The following PTPRT variants were observed in gnomAD, a reference collection of about 807,000 sequenced individuals.
The protein encoded by PTPRT is receptor-type tyrosine-protein phosphatase T.
In PTPRT, 56 loss-of-function variants were observed where a neutral mutation model predicts 176.8. The ratio of observed to expected loss-of-function variants is 0.32; its 90% CI spans 0.26 to 0.40. PTPRT has a LOEUF of 0.40. Among genes scored for constraint, PTPRT ranks in the 10% least tolerant of loss-of-function variants. The pLI is 1.00. For synonymous variants in PTPRT, 783 were observed against 739.0 expected, an observed-to-expected ratio of 1.06 and a Z score of -0.96; for missense variants, 1,540 against 1,908.2, an observed-to-expected ratio of 0.81 and a Z score of 3.60.
intron 2 of PTPRT, among the ~76,000 whole-genome samples, chr20:42,881,659 A>T (rs1008887256): frequency 1.5e-4 from 20 of 136,944 alleles, no homozygotes; most frequent in African/African-American, 4.9e-4. Context: ...TGGGAGGTGG[A>T]GGCTGCAGTG....
chr20:43,021,638 C>A (rs1171134786), intron 1 of PTPRT, among the ~76,000 whole-genome samples: 1 of 152,060 alleles, frequency 6.6e-6, no homozygotes, highest in Admixed American at 6.6e-5. Context: ...AGAGTCCTTT[C>A]CAACCTAGCC....
At chr20:42,152,122 A>G (rs1173588753) in intron 17 of PTPRT, among the ~76,000 whole-genome samples, 3 of 152,228 alleles carry the variant, frequency 2.0e-5, no homozygotes, top group Non-Finnish European at 4.4e-5. Flanking sequence ...TAGGGTTTCC[A>G]TATTTATTAT....
At chr20:42,431,711 C>T (rs570087131) in intron 9 of PTPRT, among the ~76,000 whole-genome samples, 1 of 152,256 alleles carries the variant, frequency 6.6e-6, no homozygotes. Flanking sequence ...AGCAGAGAGC[C>T]TATTGTACAT....
At chr20:42,587,842 G>T (rs1396258879) in intron 7 of PTPRT, among the ~76,000 whole-genome samples, 3 of 152,112 alleles carry the variant, frequency 2.0e-5, no homozygotes, top group East Asian at 1.9e-4. Flanking sequence ...CAGTCCCACA[G>T]ACCTGAGTTC....
In PTPRT at chr20:42,266,101, A is replaced by G. The variant is rs77290741; in HGVS notation, c.2176+16388T>C. On this transcript the variant is annotated intron_variant, in intron 13 of 30. Coordinates refer to ENST00000373187, the MANE Select transcript of PTPRT (RefSeq NM_007050.6). The stretch of plus-strand genomic sequence containing the variant: ...GAGAGTGCATCCATTTCTTCTGTTG[A>G]CCCTCACCATGATTAGGCCTGGCTG... Among the ~76,000 whole-genome samples the G allele has an allele frequency of 5.1e-3, 774 of 152,208 alleles. 6 individuals carry two copies. The highest frequency in any genetic ancestry group is 0.018 in the African/African-American group (748 of 41,508).
chr20:42,153,843 A>G (rs1207064436), intron 17 of PTPRT, among the ~76,000 whole-genome samples: 1 of 152,136 alleles, frequency 6.6e-6, no homozygotes, highest in African/African-American at 2.4e-5. Flanking sequence ...TAACCTTGGT[A>G]ACTCTTCCAA....
chr20:42,517,554 T>C (rs546849561), intron 7 of PTPRT, among the ~76,000 whole-genome samples: 3 of 152,204 alleles, frequency 2.0e-5, no homozygotes, highest in South Asian at 2.1e-4. Flanking sequence ...TCTTTGTTTA[T>C]TCTAACTTTG....
chr20:42,145,539 T>TAGAC (rs1491107500), intron 17 of PTPRT, among the ~76,000 whole-genome samples: 1 of 151,876 alleles, frequency 6.6e-6, no homozygotes, highest in Admixed American at 6.6e-5. Flanking sequence ...GATAGATAGA[T>TAGAC]AGATAGATGG....
intron 7 of PTPRT, among the ~76,000 whole-genome samples, chr20:42,602,522 A>G (rs2073799485): frequency 6.6e-6 from 1 of 152,136 alleles, no homozygotes; most frequent in Non-Finnish European, 1.5e-5. Context: ...TCTGTGAGGG[A>G]AATGCTGTCA....
rs2056072757 is a variant in PTPRT at position 42,228,733 on chromosome 20, G to A, written c.2342+7496C>T. ...CAACTCCACACATATAACCACTCATGTATCTTTGTTCATTCATCTAATCAA... is the reference window on the plus strand; with the variant it reads ...CAACTCCACACATATAACCACTCATATATCTTTGTTCATTCATCTAATCAA... On this transcript the variant is annotated intron_variant, in intron 15 of 30. Coordinates refer to ENST00000373187, the MANE Select transcript of PTPRT (RefSeq NM_007050.6). Among the ~76,000 whole-genome samples, 4 of 152,294 alleles carry A rather than the reference G, an allele frequency of 2.6e-5. No individual in the cohort carries two copies. In the South Asian group the frequency reaches 6.2e-4, roughly 24 times the overall value.
intron 2 of PTPRT, among the ~76,000 whole-genome samples, chr20:42,800,643 C>A (rs2077517831): frequency 6.6e-6 from 1 of 152,178 alleles, no homozygotes; most frequent in Non-Finnish European, 1.5e-5. Flanking sequence ...ATTACACTCA[C>A]AGAATGTTCA....
At chr20:42,544,251 A>G (rs539174571) in intron 7 of PTPRT, among the ~76,000 whole-genome samples, 19 of 152,342 alleles carry the variant, frequency 1.2e-4, no homozygotes, top group Non-Finnish European at 2.6e-4. Flanking sequence ...TTCATCAATT[A>G]TCTTAGCTAC....
At chr20:43,008,263 G>A (rs1472429795) in intron 1 of PTPRT, among the ~76,000 whole-genome samples, 2 of 152,052 alleles carry the variant, frequency 1.3e-5, no homozygotes, top group Non-Finnish European at 2.9e-5. Flanking sequence ...CCTTAAAAAG[G>A]GGCTCCAGAA....
intron 1 of PTPRT, among the ~76,000 whole-genome samples, chr20:43,102,664 G>A (rs2012443416): frequency 6.6e-6 from 1 of 152,142 alleles, no homozygotes; most frequent in Non-Finnish European, 1.5e-5. Context: ...GACAGATGGT[G>A]GAGAATCATC....
At chr20:42,916,393 T>C (rs1363590659) in intron 1 of PTPRT, among the ~76,000 whole-genome samples, 4 of 152,168 alleles carry the variant, frequency 2.6e-5, no homozygotes, top group African/African-American at 9.7e-5. Flanking sequence ...GTTCCAAGTC[T>C]TTGCTATTGT....
At chr20:42,770,060 A>T (rs576978118) in intron 5 of PTPRT, among the ~76,000 whole-genome samples, 8 of 152,244 alleles carry the variant, frequency 5.3e-5, no homozygotes, top group Non-Finnish European at 1.2e-4. Flanking sequence ...ACATGTAAAC[A>T]TACAAAACTT....
At chr20:42,489,999 C>G (rs1490724190) in intron 7 of PTPRT, among the ~76,000 whole-genome samples, 2 of 152,170 alleles carry the variant, frequency 1.3e-5, no homozygotes, top group East Asian at 3.8e-4. Context: ...CATTTGCTTA[C>G]TATTCAGTCC....
chr20:42,793,667 T>C (rs1194050929), intron 2 of PTPRT, among the ~76,000 whole-genome samples: 4 of 152,160 alleles, frequency 2.6e-5, no homozygotes, highest in East Asian at 3.9e-4. Context: ...AGAGAAGTTA[T>C]TGAATTATCA....
Position 43,053,617 on chromosome 20 carries a change from G to A in PTPRT, c.88+136029C>T, listed in dbSNP as rs565397598. Among the ~76,000 whole-genome samples, 6 of 152,234 alleles carry A rather than the reference G, an allele frequency of 3.9e-5. No individual in the cohort carries two copies. The East Asian group carries it at 9.6e-4, about 24-fold the overall frequency. On this transcript the variant is annotated intron_variant, in intron 1 of 30. Transcript: ENST00000373187. ...CTGTTCCTGCCTCTGTTTGTGCTCC[G>A]CCTGGATTCCTGCCTTTGTCTTTCC...
Sources: gnomAD v4.1 joint callset for allele counts (sites outside exome capture counted in the v4.1 genomes callset) on GRCh38, gnomAD v4.1.1 for gene constraint, MANE v1.5 for transcripts, NCBI Gene and HGNC (gene_info 2026-07-23, HGNC 2026-07-21) for gene names.